The following RHPN2 variants were observed in gnomAD, a reference collection of about 807,000 sequenced individuals.
RHPN2 encodes rhophilin-2.
In RHPN2, 40 loss-of-function variants were observed where a neutral mutation model predicts 79.0. That is an observed-to-expected ratio of 0.51 (90% confidence interval 0.39 to 0.66). The LOEUF is 0.66. Ranked by LOEUF, RHPN2 falls within the 30% of genes least tolerant of loss-of-function variation. The pLI, the probability that RHPN2 is intolerant of heterozygous loss-of-function variation, is 0.00. For synonymous variants in RHPN2, 285 were observed against 363.5 expected (o/e 0.78, Z 2.46); for missense variants, 686 against 883.5 (o/e 0.78, Z 2.83).
At chr19:33,022,859 C>T (rs8106006) in intron 3 of RHPN2, among the ~76,000 whole-genome samples, 23,013 of 152,024 alleles carry the variant, frequency 0.15, 2,388 homozygotes, top group South Asian at 0.31. Flanking sequence ...GAGTCCCATC[C>T]GGGGGCATGG....
intron 4 of RHPN2, among the ~76,000 whole-genome samples, chr19:33,013,353 C>T (rs10410247): frequency 0.3 from 45,572 of 151,450 alleles, 7,525 homozygotes; most frequent in African/African-American, 0.45. Context: ...TGCCACCATG[C>T]GCAGCTAATT....
At chr19:32,988,901 G>A (rs1460907548) in intron 14 of RHPN2, among the ~76,000 whole-genome samples, 1 of 152,114 alleles carries the variant, frequency 6.6e-6, no homozygotes, top group Non-Finnish European at 1.5e-5. Flanking sequence ...TGCCAGCTTC[G>A]CTGGGGGGCA....
chr19:33,058,054 G>A (rs1972248740), intron 1 of RHPN2, among the ~76,000 whole-genome samples: 1 of 152,166 alleles, frequency 6.6e-6, no homozygotes, highest in Admixed American at 6.6e-5. Context: ...CAGCTACTTG[G>A]GAGGCTGAGG....
In RHPN2 at chr19:32,991,976, A is replaced by G. The variant is rs757609728; in HGVS notation, c.1498-7T>C. The G allele has an allele frequency of 2.5e-6, 4 of 1,613,868 alleles. No individual in the cohort carries two copies. The South Asian group carries it at 4.4e-5, about 18-fold the overall frequency. ...AAAACACAGATAAGGGGCCCTTTGG[A>G]AGAGAGCATCGTTAGGTGTAGGATT... On this transcript the variant is annotated splice_region_variant and splice_polypyrimidine_tract_variant and intron_variant, in intron 12 of 14. Coordinates refer to ENST00000254260, the MANE Select transcript of RHPN2 (RefSeq NM_033103.5).
chr19:33,055,015 C>G (rs1322648374), intron 1 of RHPN2, among the ~76,000 whole-genome samples: 1 of 152,036 alleles, frequency 6.6e-6, no homozygotes, highest in African/African-American at 2.4e-5. Flanking sequence ...CTGGGCAGAC[C>G]CTCCCCTCTC....
chr19:32,990,291 T>C (rs1205772940), intron 14 of RHPN2, among the ~76,000 whole-genome samples: 2 of 152,192 alleles, frequency 1.3e-5, no homozygotes, highest in Non-Finnish European at 2.9e-5. Flanking sequence ...CAAACCAGCC[T>C]GGGCAATAGG....
At chr19:33,001,727 C>T (rs1253652129) in intron 9 of RHPN2, among the ~76,000 whole-genome samples, 1 of 152,082 alleles carries the variant, frequency 6.6e-6, no homozygotes, top group African/African-American at 2.4e-5. Context: ...CTGCCTCAGT[C>T]ACCCGAGTAG....
chr19:33,026,713 T>G, intron 2 of RHPN2, 81 bp from the exon 3 acceptor site: 1 of 1,518,354 alleles, frequency 6.6e-7, no homozygotes. Context: ...CCCCAGTCCC[T>G]GCAGGGAGGA....
intron 1 of RHPN2, among the ~76,000 whole-genome samples, chr19:33,059,018 C>T (rs1972257136): frequency 6.6e-6 from 1 of 151,990 alleles, no homozygotes; most frequent in African/African-American, 2.4e-5. Context: ...TCGCTTGAAC[C>T]CAGGAGGTGA....
Position 32,996,125 on chromosome 19 carries a change from T to C in RHPN2, c.1321A>G (p.Lys441Glu). 1 of 1,614,128 alleles carries C rather than the reference T, an allele frequency of 6.2e-7. No homozygotes were observed. Among genetic ancestry groups the C allele is most frequent in the Non-Finnish European group, 8.5e-7 (1 of 1,179,984 alleles). Residue 441 changes from lysine to glutamate, a missense_variant, in exon 11 of 15, where the codon AAG becomes GAG. Physicochemically the swap from Lys to Glu is moderately conservative, Grantham distance 56 (BLOSUM62 1). Coordinates refer to ENST00000254260, the MANE Select transcript of RHPN2 (RefSeq NM_033103.5). The stretch of plus-strand genomic sequence containing the variant: ...CGTTCCTGTGCGGCACACAGCACCT[T>C]CTGTAGCACCTCAATGCTCCGCAGC... ...KKLRSIEVLQ[K>E]VLCAAQERSR...
chr19:32,985,106 C>A (rs1229236254), intron 14 of RHPN2, among the ~76,000 whole-genome samples: 1 of 151,960 alleles, frequency 6.6e-6, no homozygotes, highest in Non-Finnish European at 1.5e-5. Flanking sequence ...TCAAGCAATT[C>A]TCCTGCCTTG....
In RHPN2 at chr19:33,003,732, A is replaced by G. The variant is rs559837891; in HGVS notation, c.761-732T>C. On this transcript the variant is annotated intron_variant, in intron 7 of 14. Coordinates refer to ENST00000254260, the MANE Select transcript of RHPN2 (RefSeq NM_033103.5). ...AAACAAGCCAGTCACAAAAGGACCA[A>G]TATTGTAGGATTCCATTTAGATAAG... is the stretch of plus-strand genomic sequence containing the variant. Among the ~76,000 whole-genome samples the G allele has an allele frequency of 1.1e-4, 17 of 152,364 alleles. No individual in the cohort carries two copies. In the South Asian group the frequency reaches 2.7e-3, roughly 24 times the overall value.
At chr19:33,003,264 A>C (rs1484644376) in intron 7 of RHPN2, among the ~76,000 whole-genome samples, 1 of 147,088 alleles carries the variant, frequency 6.8e-6, no homozygotes, top group Non-Finnish European at 1.5e-5. Context: ...AGGCTGAGGC[A>C]GGAGGATTGC....
At position 32,993,971 on chromosome 19, in the gene RHPN2, A is replaced by G; in HGVS notation, c.1497+6T>C. Reference sequence around the variant, plus strand: ...GTCATTTGAATGTAGAGAGCATTCAACATACCAGCTTCTGGAAGAAGTCCG... The same window carrying G: ...GTCATTTGAATGTAGAGAGCATTCAGCATACCAGCTTCTGGAAGAAGTCCG... On this transcript the variant is annotated splice_donor_region_variant and intron_variant, in intron 12 of 14. Transcript: ENST00000254260. 1 of 1,606,206 alleles carries G rather than the reference A, an allele frequency of 6.2e-7. No individual in the cohort carries two copies. Among genetic ancestry groups the G allele is most frequent in the African/African-American group, 1.3e-5 (1 of 74,868 alleles).
intron 1 of RHPN2, among the ~76,000 whole-genome samples, chr19:33,058,804 T>G (rs1468037767): frequency 6.7e-6 from 1 of 149,762 alleles, no homozygotes; most frequent in Non-Finnish European, 1.5e-5. Flanking sequence ...ATCCCAATAG[T>G]CAAAATACAG....
chr19:33,034,626 CAA>C (rs1972041422), intron 2 of RHPN2, among the ~76,000 whole-genome samples: 1 of 85,220 alleles, frequency 1.2e-5, no homozygotes, highest in African/African-American at 5.0e-5. Context: ...AAAAAAAATA[CAA>C]AAGTTAGCTG....
chr19:33,016,418 C>T (rs1169487767), intron 4 of RHPN2, among the ~76,000 whole-genome samples: 1 of 152,108 alleles, frequency 6.6e-6, no homozygotes, highest in Non-Finnish European at 1.5e-5. Flanking sequence ...CTGTGGCTCA[C>T]GCCTGTAATC....
chr19:33,039,516 C>A (rs767898336), intron 2 of RHPN2, among the ~76,000 whole-genome samples: 1 of 152,088 alleles, frequency 6.6e-6, no homozygotes, highest in African/African-American at 2.4e-5. Context: ...TACTATCCCC[C>A]CTCTGAAACG....
rs139371623 is a variant in RHPN2 at position 33,031,890 on chromosome 19, A to C, written c.186-5258T>G. ...GCCCGCCACCACGCCCGGCTAATTT[A>C]TTGGATTTTTAGTAGAGAGGGGTTT... On this transcript the variant is annotated intron_variant, in intron 2 of 14. Transcript: ENST00000254260. Among the ~76,000 whole-genome samples, 1,425 of 149,632 alleles carry C rather than the reference A, an allele frequency of 9.5e-3. 20 individuals are homozygous for C. The highest frequency in any genetic ancestry group is 0.033 in the African/African-American group (1,331 of 40,620).
Sources: gnomAD v4.1 joint callset for allele counts (sites outside exome capture counted in the v4.1 genomes callset) on GRCh38, gnomAD v4.1.1 for gene constraint, MANE v1.5 for transcripts, NCBI Gene and HGNC (gene_info 2026-07-23, HGNC 2026-07-21) for gene names.